USPL1: variants seen among roughly 807,000 people sequenced by gnomAD.
The protein encoded by USPL1 is ubiquitin specific peptidase like 1.
USPL1 carries 27 observed loss-of-function variants against 51.5 expected under a neutral mutation model. That is an observed-to-expected ratio of 0.52 (90% CI 0.39 to 0.72). USPL1 has a LOEUF of 0.72. Among genes scored for constraint, USPL1 ranks in the 30% least tolerant of loss-of-function variants. USPL1 has a pLI of 0.00. For synonymous variants in USPL1, 451 were observed against 459.6 expected, an observed-to-expected ratio of 0.98 and a Z score of 0.24; for missense variants, 1,226 against 1,268.0, an observed-to-expected ratio of 0.97 and a Z score of 0.50.
In USPL1 at chr13:30,621,187, CAGGGACTGATAT is replaced by C. The variant is rs1167051395; in HGVS notation, c.53_64del (p.Thr18_Gly21del). On this transcript the variant is annotated inframe_deletion, in exon 2 of 9. Coordinates refer to ENST00000255304, the MANE Select transcript of USPL1 (RefSeq NM_005800.5). ...GGAAATGGTTTGCCAGTGATTGGAC[CAGGGACTGATAT>C]AGGGATATCTTCACTCCACATGGTG... The C allele has an allele frequency of 6.2e-7, 1 of 1,608,076 alleles. No homozygotes were observed. Among genetic ancestry groups the C allele is most frequent in the Admixed American group, 1.7e-5 (1 of 59,040 alleles).
intron 7 of USPL1, among the ~76,000 whole-genome samples, chr13:30,651,039 A>G (rs1244274175): frequency 2.6e-5 from 4 of 152,056 alleles, no homozygotes; most frequent in Admixed American, 2.6e-4. Context: ...TACAGAAAGT[A>G]GTATGGAGGC....
At chr13:30,620,308 A>G (rs1025344380) in intron 1 of USPL1, among the ~76,000 whole-genome samples, 1 of 152,170 alleles carries the variant, frequency 6.6e-6, no homozygotes, top group Non-Finnish European at 1.5e-5. Flanking sequence ...CTCTGCCCTA[A>G]AGGTCTCCTG....
In USPL1 at chr13:30,618,426, C is replaced by T. The variant is rs1046709645; in HGVS notation, c.-69+370C>T. On this transcript the variant is annotated intron_variant, in intron 1 of 8. Coordinates refer to ENST00000255304, the MANE Select transcript of USPL1 (RefSeq NM_005800.5). ...ACCTGACAGGGCTGGGTGCAGAAAGCTGACCCTGTTCCTCGGCTTCCAGGT... is the reference window on the plus strand; with the variant it reads ...ACCTGACAGGGCTGGGTGCAGAAAGTTGACCCTGTTCCTCGGCTTCCAGGT... Among the ~76,000 whole-genome samples the T allele has an allele frequency of 2.6e-5, 4 of 151,960 alleles. No homozygotes were observed. The South Asian group carries it at 8.3e-4, about 32-fold the overall frequency.
Position 30,621,851 on chromosome 13 carries a change from A to G in USPL1, c.187A>G (p.Ile63Val). 6.3e-7 allele frequency: 1 copy of G among 1,581,126 alleles called. No homozygotes were observed. The highest frequency in any genetic ancestry group is 8.6e-7 in the Non-Finnish European group (1 of 1,165,188). ...GTTAAAAGCCTTAAAGACTTACCGA[A>G]TTAGTTTTCAAGAATCTATCTTTTT... ...GKLKALKTYR[I>V]SFQESIFLCE... The change falls in exon 3 of 9, where the codon ATT becomes GTT. Residue 63 changes from isoleucine to valine, a missense_variant. Coordinates refer to ENST00000255304, the MANE Select transcript of USPL1 (RefSeq NM_005800.5).
chr13:30,626,011 T>C (rs1950710368), intron 3 of USPL1, among the ~76,000 whole-genome samples: 1 of 152,040 alleles, frequency 6.6e-6, no homozygotes, highest in African/African-American at 2.4e-5. Context: ...AAATAAAAAA[T>C]GCCAGAAAAA....
chr13:30,631,327 A>G lies in USPL1; in HGVS notation c.721A>G (p.Ile241Val), dbSNP rs759504477. ...NAYALCWLDC[I>V]LSALVHSEEL... ...TTATGCTCTCTGTTGGTTAGACTGT[A>G]TCCTGTCAGCTTTGGTGCACTCGGA... Residue 241 changes from isoleucine (I) to valine (V), a missense_variant, in exon 4 of 9, where the codon ATC becomes GTC. Physicochemically the swap from Ile to Val is conservative, Grantham distance 29 (BLOSUM62 3). Coordinates refer to ENST00000255304, the MANE Select transcript of USPL1 (RefSeq NM_005800.5). 1 of 1,614,184 alleles carries G rather than the reference A, an allele frequency of 6.2e-7. No individual in the cohort carries two copies. The highest frequency in any genetic ancestry group is 1.7e-5 in the Admixed American group (1 of 60,024).
intron 4 of USPL1, among the ~76,000 whole-genome samples, chr13:30,636,857 A>G (rs1204139357): frequency 6.6e-6 from 1 of 152,224 alleles, no homozygotes; most frequent in Non-Finnish European, 1.5e-5. Context: ...CAACATAGCA[A>G]GACCCTGTCT....
chr13:30,632,289 A>G (rs999002014), intron 4 of USPL1, among the ~76,000 whole-genome samples: 1 of 152,006 alleles, frequency 6.6e-6, no homozygotes, highest in African/African-American at 2.4e-5. Context: ...TGCAAAGGAC[A>G]TGAACTCATC....
At chr13:30,651,324 C>A (rs1951089836) in intron 7 of USPL1, among the ~76,000 whole-genome samples, 1 of 152,206 alleles carries the variant, frequency 6.6e-6, no homozygotes, top group African/African-American at 2.4e-5. Flanking sequence ...CAAGTCATTT[C>A]TTACTACCTA....
intron 1 of USPL1, among the ~76,000 whole-genome samples, chr13:30,620,458 G>A (rs74043521): frequency 0.019 from 2,862 of 152,262 alleles, 93 homozygotes; most frequent in African/African-American, 0.065. Context: ...AAACAAGCTT[G>A]CCACATATGT....
intron 3 of USPL1, among the ~76,000 whole-genome samples, chr13:30,625,793 A>C (rs1328707326): frequency 4.6e-5 from 7 of 152,196 alleles, no homozygotes; most frequent in African/African-American, 7.2e-5. Context: ...AGCAAAAAAT[A>C]TATAATCAAG....
At chr13:30,638,409 G>A (rs1458794895) in intron 5 of USPL1, among the ~76,000 whole-genome samples, 2 of 152,178 alleles carry the variant, frequency 1.3e-5, no homozygotes, top group Admixed American at 1.3e-4. Context: ...TGGATATTAA[G>A]AGAAATATGC....
Position 30,658,405 on chromosome 13 carries a change from A to C in USPL1, c.2328A>C (p.Ser776=), listed in dbSNP as rs1330555957. 3.1e-6 allele frequency: 5 copies of C among 1,613,582 alleles called. No individual in the cohort carries two copies. The highest frequency in any genetic ancestry group is 4.2e-6 in the Non-Finnish European group (5 of 1,180,022). Reference sequence around the variant, plus strand: ...CTTCTTTTATGCCACTCTGTGTTTCAGCTCATAATAGAAACACTATAACTG... The same window carrying C: ...CTTCTTTTATGCCACTCTGTGTTTCCGCTCATAATAGAAACACTATAACTG... ...RGASFMPLCV[S]AHNRNTITDL... is the part of the protein sequence containing the mutation. The change falls in exon 9 of 9, where the codon TCA becomes TCC. Residue 776 remains serine (S), a synonymous_variant. Transcript: ENST00000255304.
chr13:30,632,589 T>G (rs1199329138), intron 4 of USPL1, among the ~76,000 whole-genome samples: 1 of 151,848 alleles, frequency 6.6e-6, no homozygotes, highest in Non-Finnish European at 1.5e-5. Flanking sequence ...AATTTTTGTA[T>G]TTTTAGTAGA....
intron 4 of USPL1, among the ~76,000 whole-genome samples, chr13:30,637,426 G>A (rs1430931425): frequency 6.6e-6 from 1 of 152,176 alleles, no homozygotes; most frequent in Non-Finnish European, 1.5e-5. Context: ...TTGCACATAA[G>A]GAGGTAACTT....
At chr13:30,631,769 G>A (rs1950809455) in intron 4 of USPL1, among the ~76,000 whole-genome samples, 1 of 152,180 alleles carries the variant, frequency 6.6e-6, no homozygotes, top group Admixed American at 6.5e-5. Flanking sequence ...GGGATTACAG[G>A]CATGAGTCAC....
At chr13:30,657,449 C>T (rs768900957) in intron 8 of USPL1, 25 bp from the exon 9 acceptor site, 2 of 1,551,296 alleles carry the variant, frequency 1.3e-6, no homozygotes, top group Non-Finnish European at 8.7e-7. Context: ...GAATATCTAA[C>T]TTTCACTTCT....
intron 5 of USPL1, among the ~76,000 whole-genome samples, chr13:30,640,386 A>T (rs954838711): frequency 6.6e-6 from 1 of 152,186 alleles, no homozygotes; most frequent in Non-Finnish European, 1.5e-5. Flanking sequence ...CTTACAAAAA[A>T]ACTTTTTAAA....
Position 30,647,019 on chromosome 13 carries a change from C to T in USPL1, c.1200C>T (p.Cys400=), listed in dbSNP as rs1951027130. The T allele has an allele frequency of 5.6e-6, 9 of 1,612,724 alleles. No homozygotes were observed. The highest frequency in any genetic ancestry group is 7.6e-6 in the Non-Finnish European group (9 of 1,178,990). Residue 400 remains cysteine, a synonymous_variant, in exon 7 of 9, where the codon TGC becomes TGT. Transcript: ENST00000255304. ...CCCATTTTGGTCCATGTAACAATTGCAACAGTAAATCACAAATAAGAAAAA... is the reference window on the plus strand; with the variant it reads ...CCCATTTTGGTCCATGTAACAATTGTAACAGTAAATCACAAATAAGAAAAA... ...NAAHFGPCNN[C]NSKSQIRKMV...
Sources: gnomAD v4.1 joint callset for allele counts (sites outside exome capture counted in the v4.1 genomes callset) on GRCh38, gnomAD v4.1.1 for gene constraint, MANE v1.5 for transcripts, NCBI Gene and HGNC (gene_info 2026-07-23, HGNC 2026-07-21) for gene names.